Variants in DNAH5 observed in about 807,000 individuals in gnomAD.
DNAH5 encodes the protein axonemal beta dynein heavy chain 5.
In DNAH5, 372 loss-of-function variants were observed where a neutral mutation model predicts 518.2. That is an observed-to-expected ratio of 0.72 (90% CI 0.66 to 0.78). DNAH5 has a LOEUF of 0.78. DNAH5 is among the 30% of genes least tolerant of loss of function. The probability of loss-of-function intolerance (pLI) is 0.00; values close to 1 mark genes in which losing one functional copy is unlikely to be tolerated. For synonymous variants in DNAH5, 2,039 were observed against 2,025.9 expected, an observed-to-expected ratio of 1.01 and a Z score of -0.17; for missense variants, 5,523 against 5,687.0, an observed-to-expected ratio of 0.97 and a Z score of 0.93.
At chr5:13,778,492 A>AGGGAGGG (rs1561233321) in intron 53 of DNAH5, among the ~76,000 whole-genome samples, 1 of 58,816 alleles carries the variant, frequency 1.7e-5, no homozygotes, top group Admixed American at 1.9e-4. Flanking sequence ...GGAAGGAAGG[A>AGGGAGGG]AGGAAGGGAG....
At chr5:13,768,515 A>T (rs1752837797) in intron 58 of DNAH5, among the ~76,000 whole-genome samples, 1 of 152,218 alleles carries the variant, frequency 6.6e-6, no homozygotes, top group African/African-American at 2.4e-5. Context: ...AAGCCTGCTC[A>T]AACTCTCTCA....
intron 16 of DNAH5, among the ~76,000 whole-genome samples, chr5:13,892,565 GA>G (rs1442031452): frequency 1.3e-5 from 2 of 152,072 alleles, no homozygotes; most frequent in African/African-American, 4.8e-5. Context: ...ATTACAAAAA[GA>G]AAAACATAAT....
chr5:13,955,210 C>T (rs1260715206), intron 1 of DNAH5, among the ~76,000 whole-genome samples: 1 of 152,154 alleles, frequency 6.6e-6, no homozygotes, highest in Middle Eastern at 3.2e-3. Context: ...CTTCCCCCCT[C>T]ACTCTCTCTC....
chr5:13,772,638 A>G (rs1035075343), intron 55 of DNAH5, among the ~76,000 whole-genome samples: 1 of 152,236 alleles, frequency 6.6e-6, no homozygotes, highest in Admixed American at 6.5e-5. Context: ...TCATCAACAG[A>G]TTCAGTCCAT....
intron 57 of DNAH5, 123 bp downstream of exon 57, chr5:13,769,378 T>C: frequency 3.1e-6 from 3 of 981,700 alleles, no homozygotes; most frequent in Non-Finnish European, 4.9e-6. Context: ...ATTAAGAGTA[T>C]TTTATTCCAA....
chr5:13,999,002 C>T (rs1157755502), intron 1 of DNAH5, among the ~76,000 whole-genome samples: 3 of 152,082 alleles, frequency 2.0e-5, no homozygotes, highest in African/African-American at 7.2e-5. Context: ...CTCCCGAGTA[C>T]CTGGGACTAC....
intron 47 of DNAH5, among the ~76,000 whole-genome samples, chr5:13,802,712 C>T (rs897043200): frequency 2.0e-5 from 3 of 152,142 alleles, no homozygotes; most frequent in South Asian, 2.1e-4. Flanking sequence ...ACAACATTCA[C>T]GCAATCATCT....
At chr5:13,882,225 A>G (rs1362268604) in intron 21 of DNAH5, among the ~76,000 whole-genome samples, 1 of 152,124 alleles carries the variant, frequency 6.6e-6, no homozygotes, top group Non-Finnish European at 1.5e-5. Flanking sequence ...AAATTCTACC[A>G]AACATTTAAA....
chr5:13,911,215 A>T (rs1775949036), intron 12 of DNAH5, 171 bp downstream of exon 12: 2 of 646,650 alleles, frequency 3.1e-6, no homozygotes, highest in East Asian at 5.5e-5. Context: ...ATCCATGAAA[A>T]ACAGCCTTCA....
intron 16 of DNAH5, among the ~76,000 whole-genome samples, chr5:13,892,364 A>G (rs1476843493): frequency 6.6e-6 from 1 of 152,218 alleles, no homozygotes. Context: ...GATTTTGCAG[A>G]TGTGATCAAG....
At chr5:13,700,611 G>A in intron 78 of DNAH5, 29 bp downstream of exon 78, 1 of 1,576,582 alleles carries the variant, frequency 6.3e-7, no homozygotes, top group Non-Finnish European at 8.7e-7. Flanking sequence ...AACAATGCGA[G>A]CCCTTACTGA....
chr5:13,925,633 A>C (rs1777788156), intron 3 of DNAH5, among the ~76,000 whole-genome samples: 1 of 152,144 alleles, frequency 6.6e-6, no homozygotes, highest in Admixed American at 6.5e-5. Context: ...AAACCATCAG[A>C]TCTCATGAGA....
chr5:13,810,215 C>T lies in DNAH5; in HGVS notation c.7453G>A (p.Val2485Met). Reference protein sequence around the residue: ...VSQAHLGRLFVFALLWSAGAA... With the variant: ...VSQAHLGRLFMFALLWSAGAA... ...CCCGCGCTCCACAGCAGCGCGAACA[C>T]GAACAGCCGCCCCAGGTGAGCCTGG... The change falls in exon 45 of 79, where the codon GTG becomes ATG. Residue 2485 changes from valine to methionine, a missense_variant. This residue lies in a region of DNAH5 where 5,121 missense variants were observed against 5,223.3 expected (regional missense o/e 0.98). Transcript: ENST00000265104. The T allele has an allele frequency of 1.3e-6, 2 of 1,550,548 alleles. No individual in the cohort carries two copies. Among genetic ancestry groups the T allele is most frequent in the Non-Finnish European group, 1.7e-6 (2 of 1,146,894 alleles).
At chr5:13,877,419 GC>G (rs1486540554) in intron 21 of DNAH5, among the ~76,000 whole-genome samples, 1 of 152,190 alleles carries the variant, frequency 6.6e-6, no homozygotes, top group African/African-American at 2.4e-5. Flanking sequence ...TTAGTTGGGG[GC>G]AAATAAGAGG....
chr5:13,724,796 A>G (rs1489236387), intron 70 of DNAH5, among the ~76,000 whole-genome samples: 1 of 152,232 alleles, frequency 6.6e-6, no homozygotes, highest in African/African-American at 2.4e-5. Context: ...GGCTCTCGCC[A>G]TATGACATGC....
At chr5:13,937,350 T>C (rs907958859) in intron 1 of DNAH5, among the ~76,000 whole-genome samples, 1 of 151,058 alleles carries the variant, frequency 6.6e-6, no homozygotes, top group African/African-American at 2.4e-5. Flanking sequence ...TCCTGAGTTA[T>C]ATCAGTGGTA....
intron 1 of DNAH5, among the ~76,000 whole-genome samples, chr5:13,937,682 T>TA (rs33989989): frequency 0.64 from 97,685 of 151,488 alleles, 32,125 homozygotes; most frequent in African/African-American, 0.77. Flanking sequence ...ATTTGGTTGT[T>TA]AAAGAAAAAA....
chr5:13,862,838 C>T (rs1435564695), intron 28 of DNAH5, 91 bp from the exon 29 acceptor site: 4 of 411,750 alleles, frequency 9.7e-6, no homozygotes, highest in Non-Finnish European at 1.6e-5. Context: ...TCACTATTTG[C>T]TTCATATATA....
Position 13,713,412 on chromosome 5 carries a change from G to A in DNAH5, c.13125+993C>T, listed in dbSNP as rs1325080151. Among the ~76,000 whole-genome samples the A allele has an allele frequency of 1.4e-3, 73 of 52,308 alleles. 2 individuals carry two copies. Among genetic ancestry groups the A allele is most frequent in the Non-Finnish European group, 2.4e-3 (64 of 26,766 alleles). 34.3% of individuals were successfully genotyped at this position (52,308 alleles called of 152,430 possible). On this transcript the variant is annotated intron_variant, in intron 75 of 78. Transcript: ENST00000265104. ...ATACACTGACATATATATATACACC[G>A]ACATATATATATATACATCGACATA...
Sources: gnomAD v4.1 joint callset for allele counts (sites outside exome capture counted in the v4.1 genomes callset) on GRCh38, gnomAD v4.1.1 for gene constraint, gnomAD v4.1.1 regional missense constraint, MANE v1.5 for transcripts, NCBI Gene and HGNC (gene_info 2026-07-23, HGNC 2026-07-21) for gene names.